MCM3AP: variants seen among roughly 807,000 people sequenced by gnomAD.
MCM3AP encodes germinal-center associated nuclear protein.
Under a neutral mutation model 184.1 loss-of-function variants are expected in MCM3AP, and 126 were observed. That is an observed-to-expected ratio of 0.68 (90% confidence interval 0.59 to 0.79). MCM3AP has a LOEUF of 0.79. Ranked by LOEUF, MCM3AP falls within the 30% of genes least tolerant of loss-of-function variation. The pLI, the probability that MCM3AP is intolerant of heterozygous loss-of-function variation, is 0.00. For missense variants in MCM3AP, 2,496 were observed against 2,479.2 expected (o/e 1.01, Z -0.14); for synonymous variants, 1,002 against 979.3 (o/e 1.02, Z -0.43).
At chr21:46,276,120 C>T (rs1395957852) in intron 5 of MCM3AP, among the ~76,000 whole-genome samples, 3 of 151,884 alleles carry the variant, frequency 2.0e-5, no homozygotes, top group African/African-American at 2.4e-5. Flanking sequence ...GGCGTGGTGG[C>T]GCATGGCTGT....
chr21:46,245,326 AG>A, intron 22 of MCM3AP, 129 bp from the exon 23 acceptor site: 1 of 798,176 alleles, frequency 1.3e-6, no homozygotes, highest in Non-Finnish European at 2.0e-6. Context: ...CAACTGTGGT[AG>A]GAAGGGGAAC....
chr21:46,279,269 C>CAA (rs148186857), intron 4 of MCM3AP, among the ~76,000 whole-genome samples: 130,151 of 151,908 alleles, frequency 0.86, 56,375 homozygotes, highest in African/African-American at 0.93. Context: ...ACCTGGGCAA[C>CAA]AGCCAGACTG....
In MCM3AP at chr21:46,249,441, G is replaced by A. The variant is rs370957140; in HGVS notation, c.4290+2088C>T. The A allele has an allele frequency of 1.0e-4, 36 of 357,358 alleles. No individual in the cohort carries two copies. The East Asian group carries it at 2.7e-3, about 26-fold the overall frequency. 22.1% of individuals were successfully genotyped at this position (357,358 alleles called of 1,614,324 possible). A position where few individuals can be genotyped will look rare whatever the true frequency, so the allele number is the denominator to read the frequency against. ...GCACTCAAAACAATCCGCTCACTTC[G>A]GCCTCCCAAAGTGCTGGGATTACAG... On this transcript the variant is annotated intron_variant, in intron 20 of 27. Transcript: ENST00000291688.
rs2081271304 is a variant in MCM3AP, at chr21:46,277,542, T to C, written c.1843A>G (p.Arg615Gly). The change falls in exon 5 of 28, where the codon AGG becomes GGG. Residue 615 changes from arginine (R) to glycine (G), a missense_variant. Arg to Gly is a moderately radical substitution (Grantham distance 125). Coordinates refer to ENST00000291688, the MANE Select transcript of MCM3AP (RefSeq NM_003906.5). ...EKYRLLDQRDRIMRQARVKRT... is the reference protein window; with the variant it reads ...EKYRLLDQRDGIMRQARVKRT... ...AGTGCCATACCTTGCCGCATGATCCTGTCTCTCTGGTCAAGCAGGCGGTAC... is the reference window on the plus strand; with the variant it reads ...AGTGCCATACCTTGCCGCATGATCCCGTCTCTCTGGTCAAGCAGGCGGTAC... 2.5e-6 allele frequency: 4 copies of C among 1,586,120 alleles called. No homozygotes were observed. The highest frequency in any genetic ancestry group is 3.4e-6 in the Non-Finnish European group (4 of 1,167,452).
At chr21:46,279,867 A>G in intron 4 of MCM3AP, 126 bp downstream of exon 4, 1 of 859,036 alleles carries the variant, frequency 1.2e-6, no homozygotes, top group Non-Finnish European at 1.7e-6. Flanking sequence ...ACCCCCAACC[A>G]TCCCTAGCAA....
chr21:46,283,552 A>C (rs2081359376), intron 2 of MCM3AP, 63 bp downstream of exon 2: 6 of 1,193,918 alleles, frequency 5.0e-6, no homozygotes, highest in Non-Finnish European at 7.3e-6. Context: ...AAAAAAAAAA[A>C]ACAGGTTTTA....
At chr21:46,243,885 G>A (rs2080719392) in intron 23 of MCM3AP, 163 bp from the exon 24 acceptor site, 1 of 681,864 alleles carries the variant, frequency 1.5e-6, no homozygotes, top group Non-Finnish European at 2.4e-6. Context: ...TTGCTCCCAG[G>A]GTCTAGGTGA....
At chr21:46,251,365 T>TA (rs1413260482) in intron 20 of MCM3AP, 164 bp downstream of exon 20, 29 of 447,378 alleles carry the variant, frequency 6.5e-5, no homozygotes, top group Non-Finnish European at 7.3e-6. Flanking sequence ...TTAAAAAAAT[T>TA]TTTTAAACGA....
chr21:46,257,703 G>A (rs555610919), intron 16 of MCM3AP, among the ~76,000 whole-genome samples: 10 of 151,666 alleles, frequency 6.6e-5, no homozygotes, highest in South Asian at 4.2e-4. Context: ...GGCGGATCAC[G>A]AGGTCAGGAG....
At chr21:46,277,741 G>A (rs913663156) in intron 4 of MCM3AP, 24 bp from the exon 5 acceptor site, 6 of 1,460,050 alleles carry the variant, frequency 4.1e-6, no homozygotes, top group African/African-American at 2.9e-5. Context: ...ACCACACTGA[G>A]GGCCCTCGTC....
chr21:46,269,870 G>A (rs1275291006), intron 9 of MCM3AP, among the ~76,000 whole-genome samples: 1 of 152,158 alleles, frequency 6.6e-6, no homozygotes, highest in Non-Finnish European at 1.5e-5. Flanking sequence ...CCGTGGAAGT[G>A]GAACAAAATA....
intron 5 of MCM3AP, among the ~76,000 whole-genome samples, chr21:46,276,144 C>T (rs1273901955): frequency 1.3e-5 from 2 of 151,830 alleles, no homozygotes; most frequent in African/African-American, 4.8e-5. Context: ...CCCAGCTACT[C>T]AGGAGGCTGA....
intron 19 of MCM3AP, chr21:46,253,242 C>T (rs1190354246): frequency 6.6e-6 from 1 of 152,036 alleles, no homozygotes; most frequent in African/African-American, 2.4e-5. Context: ...TTTAAAATGC[C>T]AAAAGTTTCT....
intron 12 of MCM3AP, among the ~76,000 whole-genome samples, 183 bp downstream of exon 12, chr21:46,265,138 C>T (rs769351594): frequency 6.6e-6 from 1 of 152,208 alleles, no homozygotes; most frequent in Admixed American, 6.5e-5. Context: ...GAGATGAAGA[C>T]GGACTCCAGA....
chr21:46,265,226 C>T, intron 12 of MCM3AP, 95 bp downstream of exon 12: 2 of 1,171,818 alleles, frequency 1.7e-6, no homozygotes, highest in East Asian at 2.5e-5. Context: ...CCTGAGAGAC[C>T]AGGCGCCACA....
At position 46,237,061 on chromosome 21, in the gene MCM3AP, A is replaced by T. The variant is rs2080546305; in HGVS notation, c.5634-82T>A. ...TTCATTAATCTTCTATATATACTTA[A>T]AAACTTTTTAAGCCTTTGCTTTTTT... On this transcript the variant is annotated intron_variant, in intron 26 of 27. Coordinates refer to ENST00000291688, the MANE Select transcript of MCM3AP (RefSeq NM_003906.5). 1.2e-5 allele frequency: 8 copies of T among 694,576 alleles called. No homozygotes were observed. The South Asian group carries it at 4.4e-4, about 38-fold the overall frequency. 43.0% of individuals were successfully genotyped at this position (694,576 alleles called of 1,614,324 possible).
At position 46,244,908 on chromosome 21, in the gene MCM3AP, A is replaced by G. The variant is rs1284176009; in HGVS notation, c.4937T>C (p.Leu1646Pro). 1.9e-6 allele frequency: 3 copies of G among 1,614,222 alleles called. No homozygotes were observed. Among genetic ancestry groups the G allele is most frequent in the Admixed American group, 3.3e-5 (2 of 60,026 alleles). Reference sequence around the variant, plus strand: ...GGCATTCCAGTGCAGGTGAGGAAGCAGCCGGCTGCCCCCTGCCTCAGCAAA... The same window carrying G: ...GGCATTCCAGTGCAGGTGAGGAAGCGGCCGGCTGCCCCCTGCCTCAGCAAA... Reference protein sequence around the residue: ...TEFAEAGGSRLLPHLHWNAPE... With the variant: ...TEFAEAGGSRPLPHLHWNAPE... Residue 1646 changes from leucine (L) to proline (P), a missense_variant, in exon 23 of 28, where the codon CTG (leucine) becomes CCG (proline). By Grantham distance (98) the Leu-to-Pro change is moderately conservative (BLOSUM62 -3). This residue lies in a region of MCM3AP where 1,323 missense variants were observed against 1,273.4 expected (regional missense o/e 1.04). Coordinates refer to ENST00000291688, the MANE Select transcript of MCM3AP (RefSeq NM_003906.5).
chr21:46,261,932 A>G (rs1465828158), intron 13 of MCM3AP, among the ~76,000 whole-genome samples: 1 of 152,166 alleles, frequency 6.6e-6, no homozygotes, highest in Non-Finnish European at 1.5e-5. Context: ...AGATTTTCAG[A>G]TTTTTAGGTA....
intron 9 of MCM3AP, among the ~76,000 whole-genome samples, chr21:46,269,246 TG>T (rs2081150548): frequency 6.6e-6 from 1 of 152,012 alleles, no homozygotes; most frequent in Admixed American, 6.6e-5. Context: ...CCTGAGTAGC[TG>T]GGACTACAGG....
Sources: allele counts gnomAD v4.1 joint callset (sites outside exome capture counted in the v4.1 genomes callset), GRCh38; gene constraint gnomAD v4.1.1; regional missense constraint gnomAD v4.1.1; transcripts MANE v1.5; gene names NCBI Gene and HGNC (gene_info 2026-07-23, HGNC 2026-07-21).